NOL4: variants seen among roughly 807,000 people sequenced by gnomAD.
The protein encoded by NOL4 is nucleolar protein 4.
NOL4 carries 17 observed loss-of-function variants against 75.9 expected under a neutral mutation model. The ratio of observed to expected loss-of-function variants is 0.22; its 90% CI spans 0.15 to 0.34. NOL4 has a LOEUF of 0.34. Ranked by LOEUF, NOL4 falls within the 10% of genes least tolerant of loss-of-function variation. NOL4 has a pLI of 1.00. For missense variants in NOL4, 614 were observed against 793.5 expected (o/e 0.77, Z 2.72); for synonymous variants, 292 against 289.9 (o/e 1.01, Z -0.07).
intron 1 of NOL4, among the ~76,000 whole-genome samples, chr18:34,184,919 C>T (rs549430915): frequency 6.6e-6 from 1 of 151,976 alleles, no homozygotes; most frequent in South Asian, 2.1e-4. Context: ...TTTGGGTAAC[C>T]AGAAGTTGGA....
chr18:33,971,929 G>A (rs2071094397), intron 6 of NOL4, among the ~76,000 whole-genome samples: 1 of 152,002 alleles, frequency 6.6e-6, no homozygotes, highest in African/African-American at 2.4e-5. Flanking sequence ...ACTTTGGGAG[G>A]CCAAGGCAGG....
At chr18:34,072,564 CTATA>C (rs1214714303) in intron 5 of NOL4, among the ~76,000 whole-genome samples, 3 of 152,094 alleles carry the variant, frequency 2.0e-5, no homozygotes, top group African/African-American at 7.2e-5. Context: ...AAGAAAAAGA[CTATA>C]TATTTGAATG....
At chr18:34,163,264 T>G (rs1377712840) in intron 1 of NOL4, among the ~76,000 whole-genome samples, 2 of 151,936 alleles carry the variant, frequency 1.3e-5, no homozygotes, top group Non-Finnish European at 2.9e-5. Flanking sequence ...GCGAAGGAAA[T>G]AAAGGGTATT....
At chr18:34,006,597 C>T (rs962058060) in intron 6 of NOL4, among the ~76,000 whole-genome samples, 1 of 152,062 alleles carries the variant, frequency 6.6e-6, no homozygotes, top group African/African-American at 2.4e-5. Context: ...TTGTACACAA[C>T]ACTTCTGCCA....
At chr18:34,126,720 T>G (rs927710261) in intron 2 of NOL4, among the ~76,000 whole-genome samples, 18 of 152,112 alleles carry the variant, frequency 1.2e-4, no homozygotes, top group African/African-American at 4.1e-4. Context: ...TGAGAAAAGT[T>G]AAACACTGGA....
At chr18:34,064,612 GATTATT>G (rs1169192566) in intron 5 of NOL4, among the ~76,000 whole-genome samples, 1 of 151,868 alleles carries the variant, frequency 6.6e-6, no homozygotes, top group Admixed American at 6.6e-5. Context: ...TATGCTCATA[GATTATT>G]ATTATTATGA....
At chr18:34,070,187 G>A (rs1286297140) in intron 5 of NOL4, among the ~76,000 whole-genome samples, 1 of 152,106 alleles carries the variant, frequency 6.6e-6, no homozygotes, top group Non-Finnish European at 1.5e-5. Context: ...GCCTGCCACT[G>A]CGCCCAGCTA....
intron 2 of NOL4, among the ~76,000 whole-genome samples, chr18:34,119,949 A>C (rs1441332701): frequency 2.0e-5 from 3 of 152,180 alleles, no homozygotes; most frequent in Non-Finnish European, 4.4e-5. Context: ...TAAGTTTGCT[A>C]GATAAAATAT....
rs181461533 is a variant in NOL4, at chr18:33,887,202, A to G, written c.1543-3778T>C. 5.8e-3 allele frequency among the ~76,000 whole-genome samples: 861 copies of G among 148,110 alleles called. 10 individuals are homozygous for G. Among genetic ancestry groups the G allele is most frequent in the African/African-American group, 0.02 (810 of 40,642 alleles). Reference sequence around the variant, plus strand: ...TCTATTATATACCCACAAAAATTAGAAATAAAAAAGATTTAAAAAATAAAT... The same window carrying G: ...TCTATTATATACCCACAAAAATTAGGAATAAAAAAGATTTAAAAAATAAAT... On this transcript the variant is annotated intron_variant, in intron 9 of 10. Transcript: ENST00000261592.
chr18:34,207,380 C>G (rs761379805), intron 1 of NOL4, among the ~76,000 whole-genome samples: 14 of 152,078 alleles, frequency 9.2e-5, no homozygotes, highest in Non-Finnish European at 1.8e-4. Context: ...AGACTGACAC[C>G]AAAAATTCTG....
chr18:34,003,335 T>C (rs2073845551), intron 6 of NOL4, among the ~76,000 whole-genome samples: 1 of 152,050 alleles, frequency 6.6e-6, no homozygotes, highest in Non-Finnish European at 1.5e-5. Flanking sequence ...AGCAACTGCA[T>C]TTTGTTGATT....
chr18:33,997,362 C>T (rs1329099660), intron 6 of NOL4, among the ~76,000 whole-genome samples: 3 of 151,754 alleles, frequency 2.0e-5, no homozygotes, highest in Admixed American at 6.6e-5. Flanking sequence ...TTTGCATTCA[C>T]ATTGTCAAAG....
chr18:34,023,595 A>C, intron 5 of NOL4: 1 of 393,198 alleles, frequency 2.5e-6, no homozygotes, highest in East Asian at 7.3e-5. Context: ...GACTCTGTAT[A>C]TGAGTCCCAA....
Position 34,050,889 on chromosome 18 carries a change from G to A in NOL4, c.773-31288C>T, listed in dbSNP as rs532394816. Among the ~76,000 whole-genome samples the A allele has an allele frequency of 6.6e-5, 10 of 152,090 alleles. No homozygotes were observed. In the South Asian group the frequency reaches 1.9e-3, roughly 28 times the overall value. ...TAGTAAGGGGAACAAATGCGGAGTT[G>A]AGAACAATTTTTTTCTAAAAAGCCG... is the stretch of plus-strand genomic sequence containing the variant. On this transcript the variant is annotated intron_variant, in intron 5 of 10. Coordinates refer to ENST00000261592, the MANE Select transcript of NOL4 (RefSeq NM_003787.5).
chr18:34,195,543 A>G (rs1254729346), intron 1 of NOL4, among the ~76,000 whole-genome samples: 2 of 151,548 alleles, frequency 1.3e-5, no homozygotes, highest in Admixed American at 6.6e-5. Flanking sequence ...TATTTTATGT[A>G]TGTTTGATAG....
chr18:34,041,995 C>T (rs960403110), intron 5 of NOL4, among the ~76,000 whole-genome samples: 5 of 151,898 alleles, frequency 3.3e-5, no homozygotes, highest in Admixed American at 6.6e-5. Flanking sequence ...ATGTGATTTA[C>T]AAAAATATAG....
At chr18:33,978,922 C>T (rs1049901486) in intron 6 of NOL4, among the ~76,000 whole-genome samples, 4 of 151,958 alleles carry the variant, frequency 2.6e-5, no homozygotes, top group Admixed American at 2.6e-4. Context: ...GGAGGTTCAA[C>T]TACAGGGATA....
At chr18:34,180,783 C>T (rs536760395) in intron 1 of NOL4, among the ~76,000 whole-genome samples, 28 of 151,436 alleles carry the variant, frequency 1.8e-4, no homozygotes, top group African/African-American at 6.0e-4. Flanking sequence ...ATTTTATATA[C>T]TAGCAATGAA....
At chr18:34,206,802 T>TA (rs1338327416) in intron 1 of NOL4, among the ~76,000 whole-genome samples, 1 of 152,142 alleles carries the variant, frequency 6.6e-6, no homozygotes, top group Non-Finnish European at 1.5e-5. Flanking sequence ...CTATTTTTTT[T>TA]ATCTACCAAT....
Sources: gnomAD v4.1 joint callset for allele counts (sites outside exome capture counted in the v4.1 genomes callset) on GRCh38, gnomAD v4.1.1 for gene constraint, MANE v1.5 for transcripts, NCBI Gene and HGNC (gene_info 2026-07-23, HGNC 2026-07-21) for gene names.